The following CCNF variants were observed in gnomAD, a reference collection of about 807,000 sequenced individuals.
CCNF encodes the protein cyclin-F.
Under a neutral mutation model 85.4 loss-of-function variants are expected in CCNF, and 30 were observed. The observed-to-expected ratio is 0.35, with a 90% CI of 0.26 to 0.48. CCNF has a LOEUF of 0.48. Among genes scored for constraint, CCNF ranks in the 20% least tolerant of loss-of-function variants. CCNF has a pLI of 0.99. For missense variants in CCNF, 919 were observed against 1,010.4 expected (o/e 0.91, Z 1.23); for synonymous variants, 439 against 425.1 (o/e 1.03, Z -0.40).
At chr16:2,444,983 C>CCT (rs35654985) in intron 9 of CCNF, among the ~76,000 whole-genome samples, 113,906 of 151,052 alleles carry the variant, frequency 0.75, 43,874 homozygotes, top group African/African-American at 0.92. Flanking sequence ...ACCTCTGCCT[C>CCT]GGGCTCAAGC....
intron 3 of CCNF, 87 bp from the exon 4 acceptor site, chr16:2,435,719 A>T: frequency 1.4e-6 from 1 of 723,470 alleles, no homozygotes; most frequent in Non-Finnish European, 2.4e-6. Context: ...TTCAGGGAAC[A>T]AGTATTCTGA....
intron 4 of CCNF, 112 bp downstream of exon 4, chr16:2,435,985 A>G (rs1410847132): frequency 4.4e-6 from 3 of 675,034 alleles, no homozygotes; most frequent in Non-Finnish European, 7.8e-6. Context: ...GCTCTATCCG[A>G]TGGCCTGCCT....
chr16:2,449,027 GGAGGGT>G, intron 11 of CCNF, 49 bp downstream of exon 11: 1 of 1,506,052 alleles, frequency 6.6e-7, no homozygotes, highest in Non-Finnish European at 9.2e-7. Context: ...TCGCTGTGCT[GGAGGGT>G]GGGGGTGGGC....
In CCNF at chr16:2,453,140, T is replaced by C. The variant is rs1182382357; in HGVS notation, c.1488-70T>C. 2.2e-6 allele frequency: 3 copies of C among 1,341,352 alleles called. No individual in the cohort carries two copies. The highest frequency in any genetic ancestry group is 3.2e-6 in the Non-Finnish European group (3 of 933,058). 83.1% of individuals were successfully genotyped at this position (1,341,352 alleles called of 1,614,324 possible). A position where few individuals can be genotyped will look rare whatever the true frequency, so the allele number is the denominator to read the frequency against. ...ACCATTTTGCATTCTCATTGCTCAC[T>C]TCAGTGAACTGAAGCTAAAAATGGG... On this transcript the variant is annotated intron_variant, in intron 13 of 16. Transcript: ENST00000397066. This position sits in a 1 kb window ranked among gnomAD's most constrained non-coding sequence, Gnocchi z 5.6.
chr16:2,442,848 T>G (rs1431453135), intron 8 of CCNF, among the ~76,000 whole-genome samples: 1 of 81,810 alleles, frequency 1.2e-5, no homozygotes, highest in African/African-American at 5.1e-5. Flanking sequence ...TTCTATTATA[T>G]ATAATATATA....
intron 12 of CCNF, 125 bp downstream of exon 12, chr16:2,449,587 C>T (rs1419772296): frequency 4.2e-6 from 4 of 954,702 alleles, no homozygotes; most frequent in East Asian, 2.6e-5. Context: ...TGAGATACAG[C>T]ACGGCTCCTA....
rs553385838 is a variant in CCNF at position 2,453,472 on chromosome 16, G to A, written c.1650G>A (p.Pro550=). The A allele has an allele frequency of 3.7e-6, 6 of 1,614,032 alleles. No homozygotes were observed. The highest frequency in any genetic ancestry group is 2.7e-5 in the African/African-American group (2 of 75,020). The part of the protein sequence containing the change: ...LGVTQDSPDP[P]TFLSTGEIHA... Reference sequence around the variant, plus strand: ...TGACACAAGACAGCCCCGACCCCCCGACTTTCCTCAGCACAGGGGAGATCC... The same window carrying A: ...TGACACAAGACAGCCCCGACCCCCCAACTTTCCTCAGCACAGGGGAGATCC... The change falls in exon 15 of 17, where the codon CCG becomes CCA. Residue 550 remains proline (P), a synonymous_variant. Coordinates refer to ENST00000397066, the MANE Select transcript of CCNF (RefSeq NM_001761.3). The surrounding 1 kb of genome is among the most constrained non-coding windows in gnomAD (Gnocchi z 5.6).
In CCNF at chr16:2,439,961, C is replaced by A; in HGVS notation, c.777+135C>A. The A allele has an allele frequency of 4.1e-6, 3 of 727,850 alleles. No individual in the cohort carries two copies. The East Asian group carries it at 8.1e-5, about 20-fold the overall frequency. The allele number at this position is 727,850 out of a possible 1,614,324, so 45.1% of individuals were successfully genotyped here. On this transcript the variant is annotated intron_variant, in intron 8 of 16. Coordinates refer to ENST00000397066, the MANE Select transcript of CCNF (RefSeq NM_001761.3). ...ATGGGAGGCCAGGATTGAGGGACACCCTAAGATCGGTTCAGCACTGGAACT... is the reference window on the plus strand; with the variant it reads ...ATGGGAGGCCAGGATTGAGGGACACACTAAGATCGGTTCAGCACTGGAACT...
In CCNF at chr16:2,457,047, A is replaced by C; in HGVS notation, c.*27A>C. On this transcript the variant is annotated 3_prime_UTR_variant, in exon 17 of 17. Coordinates refer to ENST00000397066, the MANE Select transcript of CCNF (RefSeq NM_001761.3). ...TGTGTCAGCACATTTGCCGCAGTGG[A>C]TGTGTACTGAGGGGGCTGGAGGCGA... The C allele has an allele frequency of 6.6e-7, 1 of 1,525,030 alleles. No individual in the cohort carries two copies. The highest frequency in any genetic ancestry group is 8.9e-7 in the Non-Finnish European group (1 of 1,121,692). The allele number at this position is 1,525,030 out of a possible 1,614,324, so 94.5% of individuals were successfully genotyped here. A position where few individuals can be genotyped will look rare whatever the true frequency, so the allele number is the denominator to read the frequency against.
In CCNF at chr16:2,458,253, C is replaced by CTTTTTT. The variant is rs562145171; in HGVS notation, c.*1246_*1251dup. On this transcript the variant is annotated 3_prime_UTR_variant, in exon 17 of 17. Coordinates refer to ENST00000397066, the MANE Select transcript of CCNF (RefSeq NM_001761.3). ...CTTGGCCAGAAGTGTCCCCCAGATG[C>CTTTTTT]TTTTTTTTTTTTTTTTTTGGAGACA... is the stretch of plus-strand genomic sequence containing the variant. The CTTTTTT allele has an allele frequency of 4.3e-4, 56 of 130,340 alleles. No homozygotes were observed. The highest frequency in any genetic ancestry group is 1.5e-3 in the African/African-American group (54 of 35,158). The allele number at this position is 130,340 out of a possible 1,614,324, so 8.1% of individuals were successfully genotyped here. A position where few individuals can be genotyped will look rare whatever the true frequency, so the allele number is the denominator to read the frequency against.
At chr16:2,444,484 T>G (rs1053327628) in intron 9 of CCNF, among the ~76,000 whole-genome samples, 5 of 150,146 alleles carry the variant, frequency 3.3e-5, no homozygotes, top group Non-Finnish European at 7.4e-5. Context: ...GTATTTTTAG[T>G]AGAGATGGGG....
Position 2,447,384 on chromosome 16 carries a change from A to G in CCNF, c.1095-1471A>G, listed in dbSNP as rs559742640. Among the ~76,000 whole-genome samples, 21 of 151,622 alleles carry G rather than the reference A, an allele frequency of 1.4e-4. 1 individual carries two copies. In the East Asian group the frequency reaches 3.7e-3, roughly 27 times the overall value. On this transcript the variant is annotated intron_variant, in intron 10 of 16. Coordinates refer to ENST00000397066, the MANE Select transcript of CCNF (RefSeq NM_001761.3). ...CGGATCGTGAGGTCAGGAGTTCAAG[A>G]CCAGCCTGGCCAACATGGTGAAACC... is the stretch of plus-strand genomic sequence containing the variant.
intron 3 of CCNF, among the ~76,000 whole-genome samples, chr16:2,433,545 C>T (rs755661506): frequency 6.2e-4 from 95 of 152,250 alleles, no homozygotes; most frequent in Non-Finnish European, 1.2e-3. Context: ...ACAGCTCAGG[C>T]GGGGATTTTT....
Position 2,456,294 on chromosome 16 carries a change from C to T in CCNF, c.1886-251C>T. On this transcript the variant is annotated intron_variant, in intron 16 of 16. Coordinates refer to ENST00000397066, the MANE Select transcript of CCNF (RefSeq NM_001761.3). The surrounding 1 kb of genome is among the most constrained non-coding windows in gnomAD (Gnocchi z 4.5). ...GTGAGTCCTGTCAGTTTCCCGGTTGCTTGCTTCTGCGTCCACTTGGCTTGA... is the reference window on the plus strand; with the variant it reads ...GTGAGTCCTGTCAGTTTCCCGGTTGTTTGCTTCTGCGTCCACTTGGCTTGA... 1 of 446,496 alleles carries T rather than the reference C, an allele frequency of 2.2e-6. No homozygotes were observed. Among genetic ancestry groups the T allele is most frequent in the South Asian group, 4.5e-5 (1 of 22,160 alleles). The allele number at this position is 446,496 out of a possible 1,614,324, so 27.7% of individuals were successfully genotyped here.
chr16:2,454,549 T>A (rs2065414072), intron 15 of CCNF, among the ~76,000 whole-genome samples: 2 of 152,142 alleles, frequency 1.3e-5, no homozygotes, highest in African/African-American at 4.8e-5. Flanking sequence ...GATAGCTCTC[T>A]CCACCCCCCG....
chr16:2,455,175 C>T (rs2141832195), intron 15 of CCNF, among the ~76,000 whole-genome samples: 1 of 152,356 alleles, frequency 6.6e-6, no homozygotes, highest in African/African-American at 2.4e-5. Context: ...GCTTCACACC[C>T]AGACCTGGGG....
chr16:2,431,408 G>T (rs2065261764), intron 2 of CCNF, 124 bp downstream of exon 2: 2 of 1,006,884 alleles, frequency 2.0e-6, no homozygotes, highest in South Asian at 1.6e-5. Flanking sequence ...GCCAGGCACG[G>T]TGGCTCATGC....
chr16:2,429,466 C>A lies in CCNF; in HGVS notation c.-16C>A. The A allele has an allele frequency of 8.2e-7, 1 of 1,225,064 alleles. No homozygotes were observed. Among genetic ancestry groups the A allele is most frequent in the Non-Finnish European group, 1.0e-6 (1 of 984,174 alleles). The allele number at this position is 1,225,064 out of a possible 1,614,324, so 75.9% of individuals were successfully genotyped here. On this transcript the variant is annotated 5_prime_UTR_variant, in exon 1 of 17. Coordinates refer to ENST00000397066, the MANE Select transcript of CCNF (RefSeq NM_001761.3). The stretch of plus-strand genomic sequence containing the variant: ...GCTCTCAGGCGGGCTCCGGCGGCAG[C>A]GACGCGAGCGCGGCGATGGGGAGCG...
chr16:2,441,937 T>TTATG (rs2065323300), intron 8 of CCNF, among the ~76,000 whole-genome samples: 1 of 60,164 alleles, frequency 1.7e-5, no homozygotes, highest in Non-Finnish European at 2.8e-5. Flanking sequence ...TATTAGCAAA[T>TTATG]TATATATATA....
Sources: gnomAD v4.1 joint callset for allele counts (sites outside exome capture counted in the v4.1 genomes callset) on GRCh38, gnomAD v4.1.1 for gene constraint, Gnocchi (gnomAD v3.1) non-coding constraint, MANE v1.5 for transcripts, NCBI Gene and HGNC (gene_info 2026-07-23, HGNC 2026-07-21) for gene names.